Variants in PTPRT observed in about 807,000 individuals in gnomAD.
PTPRT encodes protein tyrosine phosphatase receptor type T, also known as receptor-type tyrosine-protein phosphatase T.
A neutral mutation model predicts 176.8 loss-of-function variants in PTPRT; 56 were observed. The ratio of observed to expected loss-of-function variants is 0.32; its 90% CI spans 0.26 to 0.40. The LOEUF (loss-of-function observed/expected upper bound fraction) is 0.40, where lower values mean the gene tolerates loss of function less well. Ranked by LOEUF, PTPRT falls within the 10% of genes least tolerant of loss-of-function variation. The probability of loss-of-function intolerance (pLI) is 1.00; values close to 1 mark genes in which losing one functional copy is unlikely to be tolerated. For missense variants in PTPRT, 1,540 were observed against 1,908.2 expected (o/e 0.81, Z 3.60); for synonymous variants, 783 against 739.0 (o/e 1.06, Z -0.96).
intron 7 of PTPRT, among the ~76,000 whole-genome samples, chr20:42,487,406 T>C (rs2071481262): frequency 6.6e-6 from 1 of 152,092 alleles, no homozygotes; most frequent in Non-Finnish European, 1.5e-5. Flanking sequence ...AACTCTACAG[T>C]AGGCAAAAAT....
intron 1 of PTPRT, among the ~76,000 whole-genome samples, chr20:42,943,085 T>A (rs1980669409): frequency 6.6e-6 from 1 of 152,126 alleles, no homozygotes; most frequent in South Asian, 2.1e-4. Context: ...TTTATTTAGA[T>A]CAAAACCCAA....
intron 9 of PTPRT, among the ~76,000 whole-genome samples, chr20:42,358,512 CAG>C (rs2058388631): frequency 6.6e-6 from 1 of 152,116 alleles, no homozygotes; most frequent in South Asian, 2.1e-4. Flanking sequence ...GAGCATGTAA[CAG>C]AGAAAACAGA....
chr20:42,142,358 C>T (rs1036969015), intron 17 of PTPRT, among the ~76,000 whole-genome samples: 7 of 152,154 alleles, frequency 4.6e-5, no homozygotes, highest in Admixed American at 3.9e-4. Context: ...GAGAAACAGA[C>T]AAGTTCCCCT....
intron 2 of PTPRT, among the ~76,000 whole-genome samples, chr20:42,840,682 G>A (rs2078262830): frequency 6.6e-6 from 1 of 152,096 alleles, no homozygotes; most frequent in African/African-American, 2.4e-5. Flanking sequence ...CAAAGTGCTG[G>A]GATTACAGGC....
chr20:42,792,366 C>A (rs911394409), intron 2 of PTPRT, among the ~76,000 whole-genome samples: 25 of 152,190 alleles, frequency 1.6e-4, no homozygotes, highest in Non-Finnish European at 3.7e-4. Flanking sequence ...CCTGGGAGGG[C>A]AGACTCATGA....
At chr20:42,313,536 A>G (rs1044494367) in intron 12 of PTPRT, among the ~76,000 whole-genome samples, 1 of 152,042 alleles carries the variant, frequency 6.6e-6, no homozygotes, top group African/African-American at 2.4e-5. Flanking sequence ...GCCATGCTCT[A>G]TTTCTAGGTT....
chr20:42,741,584 G>A (rs995957745), intron 6 of PTPRT, among the ~76,000 whole-genome samples: 3 of 152,140 alleles, frequency 2.0e-5, no homozygotes, highest in African/African-American at 4.8e-5. Context: ...CACCTCAGGT[G>A]ATCCACCTGA....
At chr20:42,118,192 A>G (rs1987393451) in intron 21 of PTPRT, among the ~76,000 whole-genome samples, 1 of 152,230 alleles carries the variant, frequency 6.6e-6, no homozygotes, top group African/African-American at 2.4e-5. Flanking sequence ...GACATCATCA[A>G]CGGAGAGTGA....
chr20:42,478,027 C>T (rs565936767), intron 7 of PTPRT, among the ~76,000 whole-genome samples: 192 of 152,256 alleles, frequency 1.3e-3, no homozygotes, highest in African/African-American at 4.3e-3. Flanking sequence ...CTAGAATTCC[C>T]TGCCACGAGG....
intron 7 of PTPRT, among the ~76,000 whole-genome samples, chr20:42,612,285 C>G (rs542633583): frequency 2.6e-5 from 4 of 152,190 alleles, no homozygotes; most frequent in African/African-American, 9.7e-5. Flanking sequence ...ACACATCCAC[C>G]GAGCTTTTCA....
At chr20:42,194,269 G>T (rs141006673) in intron 16 of PTPRT, among the ~76,000 whole-genome samples, 380 of 152,318 alleles carry the variant, frequency 2.5e-3, no homozygotes, top group Non-Finnish European at 4.0e-3. Flanking sequence ...CTGAGAAAAA[G>T]TCCATTAAAT....
At chr20:42,728,049 C>T (rs959562571) in intron 6 of PTPRT, among the ~76,000 whole-genome samples, 2 of 152,168 alleles carry the variant, frequency 1.3e-5, no homozygotes, top group African/African-American at 4.8e-5. Context: ...TGGCTCCAGA[C>T]GACCTTCCAG....
chr20:43,153,207 TA>T (rs2014415802), intron 1 of PTPRT, among the ~76,000 whole-genome samples: 1 of 152,182 alleles, frequency 6.6e-6, no homozygotes, highest in Non-Finnish European at 1.5e-5. Context: ...TGGACACCAA[TA>T]TATATAGTAT....
In PTPRT at chr20:42,350,711, G is replaced by A. The variant is rs377291418; in HGVS notation, c.1782C>T (p.Tyr594=). 30 of 1,612,762 alleles carry A rather than the reference G, an allele frequency of 1.9e-5. No individual in the cohort carries two copies. In the African/African-American group the frequency reaches 2.1e-4, roughly 11 times the overall value. Residue 594 remains tyrosine (Y), a synonymous_variant, in exon 11 of 31, where the codon TAC becomes TAT. Transcript: ENST00000373187. Reference sequence around the variant, plus strand: ...TCTCATTCAATGGGGTGTCTGTGTCGTACTCAGGCATGGATGGAGCTGGAC... The same window carrying A: ...TCTCATTCAATGGGGTGTCTGTGTCATACTCAGGCATGGATGGAGCTGGAC... ...TKISAPSMPE[Y]DTDTPLNETD...
rs147944067 is a variant in PTPRT, at chr20:42,314,257, G to A, written c.2139+1466C>T. On this transcript the variant is annotated intron_variant, in intron 12 of 30. Coordinates refer to ENST00000373187, the MANE Select transcript of PTPRT (RefSeq NM_007050.6). ...ATATGACCACTTTGGGGCTGGGCAC[G>A]GTGGCTCACGCCTGTAATCCCAGCA... Among the ~76,000 whole-genome samples, 77 of 152,234 alleles carry A rather than the reference G, an allele frequency of 5.1e-4. No homozygotes were observed. The East Asian group carries it at 0.011, about 21-fold the overall frequency.
intron 16 of PTPRT, among the ~76,000 whole-genome samples, chr20:42,196,559 G>C (rs1991224972): frequency 6.6e-6 from 1 of 152,114 alleles, no homozygotes; most frequent in Admixed American, 6.5e-5. Flanking sequence ...TAGAACATTA[G>C]AACTTATTCC....
chr20:42,941,701 A>G (rs1600577941), intron 1 of PTPRT, among the ~76,000 whole-genome samples: 1 of 146,178 alleles, frequency 6.8e-6, no homozygotes, highest in Admixed American at 6.8e-5. Context: ...AGACAGCAGA[A>G]AGAGAGAGAT....
At chr20:42,288,798 G>A (rs953013425) in intron 12 of PTPRT, among the ~76,000 whole-genome samples, 1 of 151,928 alleles carries the variant, frequency 6.6e-6, no homozygotes, top group African/African-American at 2.4e-5. Flanking sequence ...CCATGTCTTT[G>A]CTATTGTGAA....
At chr20:42,417,451 G>T (rs1466841511) in intron 9 of PTPRT, among the ~76,000 whole-genome samples, 1 of 151,874 alleles carries the variant, frequency 6.6e-6, no homozygotes, top group African/African-American at 2.4e-5. Context: ...CACAAAAAGA[G>T]GCTACCCCTA....
Sources: gnomAD v4.1 joint callset for allele counts (sites outside exome capture counted in the v4.1 genomes callset) on GRCh38, gnomAD v4.1.1 for gene constraint, MANE v1.5 for transcripts, NCBI Gene and HGNC (gene_info 2026-07-23, HGNC 2026-07-21) for gene names.